MAGI2: variants seen among roughly 807,000 people sequenced by gnomAD.
MAGI2 encodes membrane associated guanylate kinase, WW and PDZ domain containing 2.
In MAGI2, 35 loss-of-function variants were observed where a neutral mutation model predicts 133.3. The ratio of observed to expected loss-of-function variants is 0.26; its 90% CI spans 0.20 to 0.35. MAGI2 has a LOEUF of 0.35. Among genes scored for constraint, MAGI2 ranks in the 10% least tolerant of loss-of-function variants. The pLI is 1.00. For synonymous variants in MAGI2, 729 were observed against 710.6 expected (o/e 1.03, Z -0.41); for missense variants, 1,636 against 1,863.4 (o/e 0.88, Z 2.25).
intron 3 of MAGI2, among the ~76,000 whole-genome samples, chr7:78,542,423 A>G (rs1359424611): frequency 3.9e-5 from 6 of 152,234 alleles, no homozygotes; most frequent in South Asian, 2.1e-4. Context: ...AGGGAGCTTA[A>G]GAGCCCAGAA....
At chr7:79,133,032 G>T (rs941240497) in intron 1 of MAGI2, among the ~76,000 whole-genome samples, 3 of 152,034 alleles carry the variant, frequency 2.0e-5, no homozygotes, top group Admixed American at 6.6e-5. Flanking sequence ...GGAGTTCCTT[G>T]TAGATTCTGC....
intron 1 of MAGI2, among the ~76,000 whole-genome samples, chr7:79,431,599 C>A (rs1176261011): frequency 6.6e-6 from 1 of 152,000 alleles, no homozygotes; most frequent in Non-Finnish European, 1.5e-5. Flanking sequence ...TATTATAATT[C>A]TTCTAAATGT....
chr7:78,519,600 T>C (rs1796325527), intron 4 of MAGI2, among the ~76,000 whole-genome samples: 1 of 152,152 alleles, frequency 6.6e-6, no homozygotes, highest in Non-Finnish European at 1.5e-5. Flanking sequence ...GAAGACCTCC[T>C]AACCATAAAA....
chr7:78,838,144 A>C (rs1461810076), intron 2 of MAGI2, among the ~76,000 whole-genome samples: 2 of 152,150 alleles, frequency 1.3e-5, no homozygotes, highest in Non-Finnish European at 2.9e-5. Context: ...CTTGTTCCAA[A>C]TAATGGTCTA....
intron 21 of MAGI2, among the ~76,000 whole-genome samples, chr7:78,076,454 CAA>C (rs55957020): frequency 3.9e-4 from 35 of 90,358 alleles, no homozygotes; most frequent in East Asian, 7.9e-4. Flanking sequence ...GACCTTGTTT[CAA>C]AAAAAAAAAA....
At chr7:79,178,644 G>A (rs151252174) in intron 1 of MAGI2, among the ~76,000 whole-genome samples, 2,235 of 151,616 alleles carry the variant, frequency 0.015, 85 homozygotes, top group African/African-American at 0.051. Flanking sequence ...CCTGGGAGGC[G>A]GAGGTTGCAG....
At chr7:79,035,523 T>C (rs1467052209) in intron 1 of MAGI2, among the ~76,000 whole-genome samples, 1 of 152,178 alleles carries the variant, frequency 6.6e-6, no homozygotes, top group Non-Finnish European at 1.5e-5. Context: ...TCACCTTTTA[T>C]GTAGTCTTTC....
intron 21 of MAGI2, among the ~76,000 whole-genome samples, chr7:78,033,009 T>C (rs965291820): frequency 2.0e-5 from 3 of 152,072 alleles, no homozygotes; most frequent in African/African-American, 7.2e-5. Flanking sequence ...AGAAATGGTA[T>C]TTTAAAAGGC....
intron 2 of MAGI2, among the ~76,000 whole-genome samples, chr7:78,665,545 A>G (rs970787082): frequency 5.3e-5 from 8 of 152,132 alleles, no homozygotes; most frequent in Non-Finnish European, 1.2e-4. Flanking sequence ...TTCTTTTCTA[A>G]TCTTTCTGGA....
chr7:78,646,216 T>C (rs1044262378), intron 2 of MAGI2, among the ~76,000 whole-genome samples: 2 of 152,168 alleles, frequency 1.3e-5, no homozygotes. Flanking sequence ...TGGGCAAAGA[T>C]AGAAAAATAT....
intron 1 of MAGI2, among the ~76,000 whole-genome samples, chr7:79,340,189 A>G (rs1222455312): frequency 6.6e-6 from 1 of 151,870 alleles, no homozygotes; most frequent in Admixed American, 6.6e-5. Context: ...TGGTTTATGT[A>G]CCTATCATTC....
chr7:78,717,235 C>T (rs946627256), intron 2 of MAGI2, among the ~76,000 whole-genome samples: 31 of 151,836 alleles, frequency 2.0e-4, no homozygotes, highest in African/African-American at 7.5e-4. Context: ...CTTTTTTTCT[C>T]CATCTTAACA....
chr7:78,866,596 T>C (rs991488581), intron 2 of MAGI2, among the ~76,000 whole-genome samples: 5 of 151,940 alleles, frequency 3.3e-5, no homozygotes, highest in East Asian at 2.0e-4. Flanking sequence ...TTCCTGCTTA[T>C]CGGGGCTGCT....
At chr7:78,865,235 G>T (rs1794461717) in intron 2 of MAGI2, among the ~76,000 whole-genome samples, 1 of 152,094 alleles carries the variant, frequency 6.6e-6, no homozygotes, top group Non-Finnish European at 1.5e-5. Flanking sequence ...TTGAAAAATT[G>T]GTTCCACAGA....
At chr7:78,570,927 T>C (rs1801434352) in intron 3 of MAGI2, among the ~76,000 whole-genome samples, 1 of 152,026 alleles carries the variant, frequency 6.6e-6, no homozygotes, top group East Asian at 1.9e-4. Context: ...AACAATTCAA[T>C]ATTGATCTCT....
At chr7:79,245,015 A>AC (rs1411391291) in intron 1 of MAGI2, among the ~76,000 whole-genome samples, 1 of 152,052 alleles carries the variant, frequency 6.6e-6, no homozygotes, top group African/African-American at 2.4e-5. Context: ...TTCTAGATAC[A>AC]CCCTGGGCCA....
chr7:78,574,877 A>G (rs1802105356), intron 3 of MAGI2, among the ~76,000 whole-genome samples: 1 of 152,228 alleles, frequency 6.6e-6, no homozygotes, highest in Admixed American at 6.5e-5. Flanking sequence ...GTTATCATCC[A>G]AAAAATCAGC....
chr7:78,218,634 G>T (rs1337838775), intron 10 of MAGI2, among the ~76,000 whole-genome samples: 1 of 152,148 alleles, frequency 6.6e-6, no homozygotes, highest in Non-Finnish European at 1.5e-5. Flanking sequence ...TGGCTTTCAG[G>T]TTTCTAAAGA....
intron 6 of MAGI2, among the ~76,000 whole-genome samples, chr7:78,379,254 T>C (rs1247358921): frequency 2.6e-5 from 4 of 152,066 alleles, no homozygotes; most frequent in African/African-American, 7.2e-5. Context: ...ATGTAATTTA[T>C]CTTTCTTATT....
Sources: allele counts gnomAD v4.1 joint callset (sites outside exome capture counted in the v4.1 genomes callset), GRCh38; gene constraint gnomAD v4.1.1; transcripts MANE v1.5; gene names NCBI Gene and HGNC (gene_info 2026-07-23, HGNC 2026-07-21).